The following SI variants were observed in gnomAD, a reference collection of about 807,000 sequenced individuals.
SI encodes sucrase-isomaltase, intestinal.
SI carries 235 observed loss-of-function variants against 253.3 expected under a neutral mutation model. That is an observed-to-expected ratio of 0.93 (90% CI 0.83 to 1.03). SI has a LOEUF of 1.03. Among genes scored for constraint, SI ranks in the 50% least tolerant of loss-of-function variants. The pLI is 0.00. For missense variants in SI, 2,442 were observed against 2,211.1 expected (o/e 1.10, Z -2.09); for synonymous variants, 819 against 712.0 (o/e 1.15, Z -2.39).
rs1266738544 is a variant in SI, at chr3:165,043,078, T to C, written c.1985A>G (p.His662Arg). 15 of 1,607,988 alleles carry C rather than the reference T, an allele frequency of 9.3e-6. No individual in the cohort carries two copies. Among genetic ancestry groups the C allele is most frequent in the Non-Finnish European group, 1.2e-5 (14 of 1,174,952 alleles). Residue 662 changes from histidine to arginine, a missense_variant, in exon 17 of 48, where the codon CAT becomes CGT. Transcript: ENST00000264382. ...LGAFYPFSRN[H>R]NSDGYEHQDP... Reference sequence around the variant, plus strand: ...TCTTACTTCATATCCGTCAGAATTATGGTTTCTGGAAAATGGATAAAATGC... The same window carrying C: ...TCTTACTTCATATCCGTCAGAATTACGGTTTCTGGAAAATGGATAAAATGC...
rs765333108 is a variant in SI, at chr3:165,023,586, T to G, written c.3083A>C (p.Asp1028Ala). The G allele has an allele frequency of 4.0e-5, 64 of 1,610,252 alleles. No individual in the cohort carries two copies. Among genetic ancestry groups the G allele is most frequent in the Non-Finnish European group, 5.4e-5 (64 of 1,177,568 alleles). ...LRVEVKYHKN[D>A]MLQFKIYDPQ... ...CAAGCATACCTTAAACTGCAACATA[T>G]CATTTTTGTGATATTTCACCTCCAC... is the stretch of plus-strand genomic sequence containing the variant. The change falls in exon 26 of 48, where the codon GAT becomes GCT. Residue 1028 changes from aspartate to alanine, a missense_variant. By Grantham distance (126) the Asp-to-Ala change is moderately radical. Coordinates refer to ENST00000264382, the MANE Select transcript of SI (RefSeq NM_001041.4).
chr3:164,980,456 A>G (rs1717127942), intron 47 of SI, among the ~76,000 whole-genome samples: 1 of 151,994 alleles, frequency 6.6e-6, no homozygotes, highest in Non-Finnish European at 1.5e-5. Flanking sequence ...CAATTAAATA[A>G]TCTCTTGCAT....
intron 17 of SI, among the ~76,000 whole-genome samples, chr3:165,042,159 T>C (rs771321452): frequency 6.6e-6 from 1 of 152,124 alleles, no homozygotes; most frequent in Non-Finnish European, 1.5e-5. Context: ...TTTTGGAGAA[T>C]ACAAGTGAAC....
At position 164,982,322 on chromosome 3, in the gene SI, G is replaced by T. The variant is rs1717226177; in HGVS notation, c.5336C>A (p.Thr1779Asn). The change falls in exon 47 of 48, where the codon ACT becomes AAT. Residue 1779 changes from threonine to asparagine, a missense_variant. Coordinates refer to ENST00000264382, the MANE Select transcript of SI (RefSeq NM_001041.4). Reference sequence around the variant, plus strand: ...TAGAGTAACTGCATTGACAGGAGTAGTTCCTTTCCCCCATACATGAAGGGA... The same window carrying T: ...TAGAGTAACTGCATTGACAGGAGTATTTCCTTTCCCCCATACATGAAGGGA... ...LGSLHVWGKG[T>N]TPVNAVTLTY... 1 of 1,612,658 alleles carries T rather than the reference G, an allele frequency of 6.2e-7. No individual in the cohort carries two copies. Among genetic ancestry groups the T allele is most frequent in the Non-Finnish European group, 8.5e-7 (1 of 1,179,054 alleles).
intron 18 of SI, among the ~76,000 whole-genome samples, chr3:165,040,660 A>T (rs1712771090): frequency 6.6e-6 from 1 of 152,048 alleles, no homozygotes; most frequent in Non-Finnish European, 1.5e-5. Flanking sequence ...ATGTATTTTT[A>T]AAAATTCTAT....
intron 6 of SI, 29 bp from the exon 7 acceptor site, chr3:165,065,461 T>G (rs1267341036): frequency 2.1e-6 from 1 of 475,008 alleles, no homozygotes; most frequent in Non-Finnish European, 3.1e-6. Context: ...AAAGAAATAA[T>G]CTAATATATA....
In SI at chr3:165,068,715, A is replaced by C. The variant is rs1714387679; in HGVS notation, c.483+7T>G. 1 of 1,605,450 alleles carries C rather than the reference A, an allele frequency of 6.2e-7. No homozygotes were observed. Among genetic ancestry groups the C allele is most frequent in the Non-Finnish European group, 8.5e-7 (1 of 1,172,246 alleles). ...TATTAAATCTTTGGAAACCTTAAAA[A>C]CCGAACCTTGAACCGGAAACGATTG... On this transcript the variant is annotated splice_region_variant and intron_variant, in intron 5 of 47. Coordinates refer to ENST00000264382, the MANE Select transcript of SI (RefSeq NM_001041.4).
intron 13 of SI, among the ~76,000 whole-genome samples, chr3:165,053,887 C>A (rs1713558099): frequency 6.6e-6 from 1 of 151,900 alleles, no homozygotes; most frequent in Non-Finnish European, 1.5e-5. Context: ...AGCTCAAGAT[C>A]ACAGTAAATT....
intron 25 of SI, among the ~76,000 whole-genome samples, chr3:165,026,961 A>G (rs536687684): frequency 9.9e-5 from 15 of 151,708 alleles, no homozygotes; most frequent in Non-Finnish European, 3.0e-5. Context: ...AAGAAAGGAA[A>G]TAACCAAGAT....
chr3:165,049,234 G>A lies in SI; in HGVS notation c.1608C>T (p.Asp536=), dbSNP rs779264993. The A allele has an allele frequency of 1.3e-6, 2 of 1,578,202 alleles. No homozygotes were observed. Among genetic ancestry groups the A allele is most frequent in the Admixed American group, 1.7e-5 (1 of 59,796 alleles). ...AAATTGTTTTGGAATACATGAGTTT[G>A]TCAAGAATATCTTTGAGAAAATACA... ...NYPPFTPDIL[D]KLMYSKTICM... is the part of the protein sequence containing the mutation. Residue 536 remains aspartate (D), a synonymous_variant, in exon 15 of 48, where the codon GAC becomes GAT. Coordinates refer to ENST00000264382, the MANE Select transcript of SI (RefSeq NM_001041.4).
At chr3:165,016,807 T>A (rs562085007) in intron 31 of SI, among the ~76,000 whole-genome samples, 89 of 152,058 alleles carry the variant, frequency 5.9e-4, no homozygotes, top group African/African-American at 2.0e-3. Flanking sequence ...TATACCTCCT[T>A]TTAAATAATA....
At chr3:165,022,537 A>T (rs1485609043) in intron 26 of SI, among the ~76,000 whole-genome samples, 1 of 118,710 alleles carries the variant, frequency 8.4e-6, no homozygotes, top group South Asian at 2.9e-4. Context: ...GTGCCATCTC[A>T]CACACACACA....
At chr3:164,982,451 G>T (rs1481788611) in intron 46 of SI, 41 bp from the exon 47 acceptor site, 1 of 1,472,256 alleles carries the variant, frequency 6.8e-7, no homozygotes. Flanking sequence ...CACTTTATTT[G>T]CAAAAGCAAT....
At chr3:165,030,628 G>T in intron 25 of SI, 84 bp downstream of exon 25, 4 of 1,390,672 alleles carry the variant, frequency 2.9e-6, no homozygotes, top group Non-Finnish European at 4.1e-6. Context: ...ATATGCTGCA[G>T]ATTTAAAATT....
chr3:165,058,484 C>T (rs545973110), intron 12 of SI, among the ~76,000 whole-genome samples: 10 of 151,552 alleles, frequency 6.6e-5, no homozygotes, highest in African/African-American at 1.9e-4. Context: ...AAAACAGCAA[C>T]GAAATGAAAA....
chr3:165,068,847 A>G lies in SI; in HGVS notation c.374-16T>C, dbSNP rs774719880. 24 of 1,537,252 alleles carry G rather than the reference A, an allele frequency of 1.6e-5. No individual in the cohort carries two copies. The highest frequency in any genetic ancestry group is 2.2e-5 in the Non-Finnish European group (24 of 1,110,256). On this transcript the variant is annotated splice_polypyrimidine_tract_variant and intron_variant, in intron 4 of 47. Coordinates refer to ENST00000264382, the MANE Select transcript of SI (RefSeq NM_001041.4). ...GCTTCAACTCCTTAAAGAATAAAAA[A>G]AAGCTGCCATGAGTGACTTGATTTA...
At chr3:165,077,491 T>C (rs1470408815) in intron 1 of SI, among the ~76,000 whole-genome samples, 2 of 151,864 alleles carry the variant, frequency 1.3e-5, no homozygotes, top group East Asian at 1.9e-4. Flanking sequence ...TAAATGAATA[T>C]CTGCAGATTA....
At chr3:165,022,118 C>T (rs1008025868) in intron 26 of SI, among the ~76,000 whole-genome samples, 5 of 151,554 alleles carry the variant, frequency 3.3e-5, no homozygotes, top group South Asian at 2.1e-4. Flanking sequence ...TAAATATCTT[C>T]TTATGAGAGG....
intron 1 of SI, among the ~76,000 whole-genome samples, chr3:165,076,462 A>G (rs1714980096): frequency 2.0e-5 from 3 of 151,838 alleles, no homozygotes; most frequent in Admixed American, 1.3e-4. Flanking sequence ...TTTAAGCTTA[A>G]CAAAGAATAA....
Sources: gnomAD v4.1 joint callset for allele counts (sites outside exome capture counted in the v4.1 genomes callset) on GRCh38, gnomAD v4.1.1 for gene constraint, MANE v1.5 for transcripts, NCBI Gene and HGNC (gene_info 2026-07-23, HGNC 2026-07-21) for gene names.